The following RALGAPA2 variants were observed in gnomAD, a reference collection of about 807,000 sequenced individuals.
The protein encoded by RALGAPA2 is ral GTPase-activating protein subunit alpha-2.
A neutral mutation model predicts 230.4 loss-of-function variants in RALGAPA2; 139 were observed. The observed-to-expected ratio is 0.60, with a 90% CI of 0.53 to 0.69. The LOEUF is 0.69. RALGAPA2 is among the 30% of genes least tolerant of loss of function. The probability of loss-of-function intolerance (pLI) is 0.00; values close to 1 mark genes in which losing one functional copy is unlikely to be tolerated. For synonymous variants in RALGAPA2, 847 were observed against 837.8 expected (o/e 1.01, Z -0.19); for missense variants, 2,163 against 2,276.0 (o/e 0.95, Z 1.01).
chr20:20,643,005 A>AT (rs1453010944), intron 5 of RALGAPA2, among the ~76,000 whole-genome samples: 2 of 152,212 alleles, frequency 1.3e-5, no homozygotes, highest in African/African-American at 4.8e-5. Context: ...AAATAAACCA[A>AT]TTTTAACCTA....
At chr20:20,516,303 C>T (rs1157637082) in intron 31 of RALGAPA2, among the ~76,000 whole-genome samples, 2 of 152,176 alleles carry the variant, frequency 1.3e-5, no homozygotes, top group Non-Finnish European at 2.9e-5. Flanking sequence ...TACAGCCCTG[C>T]TCATTGCCTC....
intron 4 of RALGAPA2, among the ~76,000 whole-genome samples, chr20:20,648,999 A>G (rs1287309451): frequency 2.0e-5 from 3 of 152,198 alleles, no homozygotes; most frequent in Non-Finnish European, 4.4e-5. Context: ...GGACCCCCCC[A>G]GAGGGCAAAA....
intron 1 of RALGAPA2, among the ~76,000 whole-genome samples, chr20:20,694,825 C>G (rs1343975726): frequency 1.3e-5 from 2 of 152,162 alleles, no homozygotes; most frequent in African/African-American, 4.8e-5. Flanking sequence ...CAAGAGCCAG[C>G]CTGGAAAGCA....
At chr20:20,698,104 C>T (rs1193697135) in intron 1 of RALGAPA2, among the ~76,000 whole-genome samples, 1 of 151,554 alleles carries the variant, frequency 6.6e-6, no homozygotes, top group Admixed American at 6.6e-5. Flanking sequence ...TCTGGTTAAA[C>T]ATATACATAC....
At chr20:20,471,921 C>A (rs548820977) in intron 37 of RALGAPA2, 1 of 152,212 alleles carries the variant, frequency 6.6e-6, no homozygotes, top group Non-Finnish European at 1.5e-5. Context: ...TCATCTACCC[C>A]CAACTCTCAC....
chr20:20,410,185 T>C (rs1238115120), intron 38 of RALGAPA2, among the ~76,000 whole-genome samples: 1 of 152,232 alleles, frequency 6.6e-6, no homozygotes, highest in Non-Finnish European at 1.5e-5. Flanking sequence ...CAAGTAGAGT[T>C]CTTAAAAACT....
intron 36 of RALGAPA2, among the ~76,000 whole-genome samples, chr20:20,490,798 C>T (rs1374005188): frequency 2.0e-5 from 3 of 151,898 alleles, no homozygotes; most frequent in African/African-American, 7.3e-5. Context: ...TTTCTGGGCA[C>T]CTGCTCCAGG....
At chr20:20,568,179 C>T (rs1344436394) in intron 23 of RALGAPA2, among the ~76,000 whole-genome samples, 2 of 152,066 alleles carry the variant, frequency 1.3e-5, no homozygotes, top group Non-Finnish European at 2.9e-5. Context: ...TGTTTATAAT[C>T]CTAATTATTT....
intron 37 of RALGAPA2, among the ~76,000 whole-genome samples, chr20:20,447,515 C>G (rs1309085583): frequency 1.3e-5 from 2 of 152,186 alleles, no homozygotes; most frequent in Non-Finnish European, 2.9e-5. Flanking sequence ...GTCAAGGCAG[C>G]TAAACCCTCA....
chr20:20,495,381 A>T (rs1262869723), intron 35 of RALGAPA2, 106 bp from the exon 36 acceptor site: 66 of 984,644 alleles, frequency 6.7e-5, no homozygotes, highest in Admixed American at 1.4e-4. Context: ...AAAAAATTTC[A>T]CTACCAAAAA....
chr20:20,677,582 A>C (rs2068373002), intron 2 of RALGAPA2, among the ~76,000 whole-genome samples: 1 of 146,804 alleles, frequency 6.8e-6, no homozygotes. Context: ...ACAGGGAATG[A>C]GAACCCGTTT....
rs2064990794 is a variant in RALGAPA2 at position 20,581,780 on chromosome 20, G to C, written c.2707+1270C>G. Among the ~76,000 whole-genome samples the C allele has an allele frequency of 3.3e-5, 5 of 151,636 alleles. No individual in the cohort carries two copies. In the South Asian group the frequency reaches 1.0e-3, roughly 32 times the overall value. ...TCTATCAAGAATTTCCCAAATATCA[G>C]AGACGTTAGTTAAATTTTAAATCAC... On this transcript the variant is annotated intron_variant, in intron 20 of 39. Transcript: ENST00000202677.
At chr20:20,506,382 C>A (rs928893032) in intron 33 of RALGAPA2, among the ~76,000 whole-genome samples, 1 of 152,104 alleles carries the variant, frequency 6.6e-6, no homozygotes, top group Non-Finnish European at 1.5e-5. Context: ...CATTTGAATG[C>A]ATTAATAATA....
At chr20:20,469,081 G>C (rs182825032) in intron 37 of RALGAPA2, among the ~76,000 whole-genome samples, 118 of 152,160 alleles carry the variant, frequency 7.8e-4, no homozygotes, top group African/African-American at 2.6e-3. Context: ...AACAAACATT[G>C]GCCCCTCATT....
intron 4 of RALGAPA2, among the ~76,000 whole-genome samples, chr20:20,651,525 C>G (rs975731718): frequency 1.3e-5 from 2 of 152,076 alleles, no homozygotes; most frequent in Admixed American, 6.6e-5. Flanking sequence ...GAGTCTGAGG[C>G]CTCCAGTCAT....
At chr20:20,477,941 T>C (rs2061688901) in intron 36 of RALGAPA2, among the ~76,000 whole-genome samples, 1 of 152,226 alleles carries the variant, frequency 6.6e-6, no homozygotes, top group Non-Finnish European at 1.5e-5. Context: ...AGTTATTTAG[T>C]TGTGACAGAC....
In RALGAPA2 at chr20:20,531,707, C is replaced by T. The variant is rs2063371620; in HGVS notation, c.3562G>A (p.Val1188Met). The change falls in exon 27 of 40, where the codon GTG becomes ATG. Residue 1188 changes from valine to methionine, a missense_variant. Physicochemically the swap from Val to Met is conservative, Grantham distance 21 (BLOSUM62 1). Coordinates refer to ENST00000202677, the MANE Select transcript of RALGAPA2 (RefSeq NM_020343.4). ...SHPQVKEAIN[V>M]IGVTLKFPNK... is the part of the protein sequence containing the mutation. ...AATACCTTCAGAGTTACTCCTATCACATTGATGGCCTCTTTCACCTGAGGG... is the reference window on the plus strand; with the variant it reads ...AATACCTTCAGAGTTACTCCTATCATATTGATGGCCTCTTTCACCTGAGGG... The T allele has an allele frequency of 1.9e-6, 3 of 1,605,914 alleles. No homozygotes were observed. Among genetic ancestry groups the T allele is most frequent in the Non-Finnish European group, 2.6e-6 (3 of 1,175,660 alleles).
chr20:20,640,697 T>C lies in RALGAPA2; in HGVS notation c.550+4A>G. 1.2e-6 allele frequency: 2 copies of C among 1,604,736 alleles called. No homozygotes were observed. Among genetic ancestry groups the C allele is most frequent in the Non-Finnish European group, 1.7e-6 (2 of 1,173,888 alleles). ...AACATGGGAGATCTGCTAACATAAC[T>C]TACCATCAGCTACACTAGGGCTGGG... On this transcript the variant is annotated splice_donor_region_variant and intron_variant, in intron 6 of 39. Transcript: ENST00000202677.
intron 36 of RALGAPA2, among the ~76,000 whole-genome samples, chr20:20,489,752 T>C (rs1420258001): frequency 6.6e-6 from 1 of 152,224 alleles, no homozygotes. Context: ...GCTGACATTG[T>C]GTGCACCTGT....
Sources: allele counts gnomAD v4.1 joint callset (sites outside exome capture counted in the v4.1 genomes callset), GRCh38; gene constraint gnomAD v4.1.1; transcripts MANE v1.5; gene names NCBI Gene and HGNC (gene_info 2026-07-23, HGNC 2026-07-21).